The following VMP1 variants were observed in gnomAD, a reference collection of about 807,000 sequenced individuals.
The protein encoded by VMP1 is ectopic P-granules autophagy protein 3 homolog.
VMP1 carries 11 observed loss-of-function variants against 56.0 expected under a neutral mutation model. The observed-to-expected ratio is 0.20, with a 90% CI of 0.12 to 0.32. The LOEUF is 0.32. VMP1 is among the 10% of genes least tolerant of loss of function. VMP1 has a pLI of 1.00. For synonymous variants in VMP1, 149 were observed against 165.0 expected (o/e 0.90, Z 0.74); for missense variants, 296 against 490.3 (o/e 0.60, Z 3.74).
intron 5 of VMP1, among the ~76,000 whole-genome samples, chr17:59,753,142 G>A (rs374606018): frequency 2.6e-5 from 4 of 152,166 alleles, no homozygotes; most frequent in Admixed American, 6.6e-5. Flanking sequence ...GCCAGGTGTA[G>A]TGGCATGCTC....
chr17:59,723,555 G>A (rs562564991), intron 1 of VMP1, among the ~76,000 whole-genome samples: 20 of 152,322 alleles, frequency 1.3e-4, no homozygotes, highest in Non-Finnish European at 2.2e-4. Context: ...ATTTGTCGGA[G>A]CAGAAGTCAT....
At chr17:59,759,128 C>T (rs111856270) in intron 5 of VMP1, among the ~76,000 whole-genome samples, 23 of 152,140 alleles carry the variant, frequency 1.5e-4, no homozygotes, top group African/African-American at 5.1e-4. Flanking sequence ...TGGTATCTTG[C>T]GCCAGCAGTC....
At chr17:59,778,527 C>G (rs374178331) in intron 7 of VMP1, among the ~76,000 whole-genome samples, 2 of 142,140 alleles carry the variant, frequency 1.4e-5, no homozygotes, top group African/African-American at 5.5e-5. Context: ...TGGGTGAGAG[C>G]GAGACTCTGT....
At chr17:59,780,348 T>G (rs1484702133) in intron 7 of VMP1, among the ~76,000 whole-genome samples, 1 of 152,208 alleles carries the variant, frequency 6.6e-6, no homozygotes, top group Non-Finnish European at 1.5e-5. Context: ...TCCAGCACTT[T>G]GGGAGACCAA....
At chr17:59,753,524 G>A (rs908960011) in intron 5 of VMP1, among the ~76,000 whole-genome samples, 8 of 152,172 alleles carry the variant, frequency 5.3e-5, no homozygotes, top group Admixed American at 2.0e-4. Context: ...TTTGTAAACT[G>A]TATGTAACAT....
At chr17:59,834,246 C>T (rs146991764) in intron 10 of VMP1, among the ~76,000 whole-genome samples, 40 of 152,040 alleles carry the variant, frequency 2.6e-4, no homozygotes, top group East Asian at 2.5e-3. Context: ...CATGAACCAC[C>T]GCACCCAGCC....
chr17:59,818,726 G>A (rs1356054898), intron 10 of VMP1, among the ~76,000 whole-genome samples: 3 of 151,242 alleles, frequency 2.0e-5, no homozygotes, highest in Admixed American at 6.6e-5. Flanking sequence ...CAAGAAGAGC[G>A]AAACTCCATC....
chr17:59,799,616 G>A (rs563755846), intron 7 of VMP1, among the ~76,000 whole-genome samples: 8 of 151,920 alleles, frequency 5.3e-5, no homozygotes, highest in South Asian at 2.1e-4. Flanking sequence ...TCTTTATCCC[G>A]TGACCTTATT....
chr17:59,753,727 G>A (rs2035738981), intron 5 of VMP1, among the ~76,000 whole-genome samples: 2 of 152,236 alleles, frequency 1.3e-5, no homozygotes, highest in East Asian at 1.9e-4. Context: ...GAAGAAAAAC[G>A]ATCGACAATC....
intron 6 of VMP1, among the ~76,000 whole-genome samples, chr17:59,771,605 G>GGTT (rs925550167): frequency 1.4e-5 from 2 of 144,666 alleles, no homozygotes; most frequent in African/African-American, 5.1e-5. Context: ...TGGTTTTTTT[G>GGTT]GTTTTTTTTT....
At chr17:59,773,657 A>C in intron 6 of VMP1, 97 bp from the exon 7 acceptor site, 1 of 1,236,120 alleles carries the variant, frequency 8.1e-7, no homozygotes, top group East Asian at 2.6e-5. Flanking sequence ...TTGCATCTCA[A>C]AATGCTTCTG....
At chr17:59,836,749 A>AT (rs2038995192) in intron 10 of VMP1, among the ~76,000 whole-genome samples, 1 of 148,158 alleles carries the variant, frequency 6.7e-6, no homozygotes. Flanking sequence ...TTTTCCCAGC[A>AT]AAAGGAATCA....
At chr17:59,766,465 C>A (rs574506572) in intron 6 of VMP1, among the ~76,000 whole-genome samples, 1 of 152,094 alleles carries the variant, frequency 6.6e-6, no homozygotes, top group African/African-American at 2.4e-5. Flanking sequence ...GACCCGCCAC[C>A]GCTCTCCAGC....
intron 1 of VMP1, among the ~76,000 whole-genome samples, chr17:59,717,006 G>A (rs1568012522): frequency 6.6e-6 from 1 of 151,506 alleles, no homozygotes; most frequent in Non-Finnish European, 1.5e-5. Flanking sequence ...TTGAGACGGG[G>A]TCTCGCTCTG....
At chr17:59,743,613 A>C (rs1311187045) in intron 5 of VMP1, among the ~76,000 whole-genome samples, 7 of 149,226 alleles carry the variant, frequency 4.7e-5, no homozygotes, top group Non-Finnish European at 1.0e-4. Flanking sequence ...TATATATGCT[A>C]TATATATGCT....
intron 10 of VMP1, among the ~76,000 whole-genome samples, chr17:59,820,666 ACTGT>A (rs1256401721): frequency 6.6e-6 from 1 of 152,154 alleles, no homozygotes; most frequent in African/African-American, 2.4e-5. Context: ...TGTGTGATTT[ACTGT>A]CTTTTTACTG....
chr17:59,827,006 T>A (rs909932752), intron 10 of VMP1, among the ~76,000 whole-genome samples: 1 of 152,222 alleles, frequency 6.6e-6, no homozygotes, highest in African/African-American at 2.4e-5. Context: ...GTTACTACTG[T>A]GGTTACTTTC....
At chr17:59,782,904 T>C (rs1219575270) in intron 7 of VMP1, among the ~76,000 whole-genome samples, 1 of 152,194 alleles carries the variant, frequency 6.6e-6, no homozygotes, top group African/African-American at 2.4e-5. Flanking sequence ...TATGTGATTT[T>C]ACTAAGAAAT....
intron 6 of VMP1, among the ~76,000 whole-genome samples, chr17:59,772,174 A>G (rs2036450876): frequency 6.6e-6 from 1 of 151,774 alleles, no homozygotes; most frequent in Non-Finnish European, 1.5e-5. Flanking sequence ...GTATTTTAGT[A>G]GAGTTGGGGT....
Sources: gnomAD v4.1 joint callset for allele counts (sites outside exome capture counted in the v4.1 genomes callset) on GRCh38, gnomAD v4.1.1 for gene constraint, MANE v1.5 for transcripts, NCBI Gene and HGNC (gene_info 2026-07-23, HGNC 2026-07-21) for gene names.